The following EPAS1 variants were observed in gnomAD, a reference collection of about 807,000 sequenced individuals.
EPAS1 encodes endothelial PAS domain-containing protein 1.
A neutral mutation model predicts 87.9 loss-of-function variants in EPAS1; 23 were observed. The ratio of observed to expected loss-of-function variants is 0.26; its 90% CI spans 0.19 to 0.37. EPAS1 has a LOEUF of 0.37. Ranked by LOEUF, EPAS1 falls within the 10% of genes least tolerant of loss-of-function variation. The pLI, the probability that EPAS1 is intolerant of heterozygous loss-of-function variation, is 1.00. For synonymous variants in EPAS1, 508 were observed against 444.3 expected, an observed-to-expected ratio of 1.14 and a Z score of -1.80; for missense variants, 1,138 against 1,120.7, an observed-to-expected ratio of 1.02 and a Z score of -0.22.
At chr2:46,314,105 C>T (rs1046439410) in intron 1 of EPAS1, among the ~76,000 whole-genome samples, 5 of 152,178 alleles carry the variant, frequency 3.3e-5, no homozygotes, top group African/African-American at 1.2e-4. Flanking sequence ...GAACAGCTCC[C>T]AGACCCAGAC....
chr2:46,312,680 G>A (rs1169042773), intron 1 of EPAS1, among the ~76,000 whole-genome samples: 3 of 152,084 alleles, frequency 2.0e-5, no homozygotes, highest in Admixed American at 2.0e-4. Context: ...TTTCTTACCT[G>A]GCTGGGATTT....
chr2:46,377,373 C>A (rs11694193), intron 9 of EPAS1, among the ~76,000 whole-genome samples: 1 of 152,076 alleles, frequency 6.6e-6, no homozygotes, highest in Non-Finnish European at 1.5e-5. Flanking sequence ...AGTTCGCAAC[C>A]CGCTGCCACC....
chr2:46,378,508 T>G (rs904451178), intron 10 of EPAS1, 149 bp from the exon 11 acceptor site: 6 of 723,482 alleles, frequency 8.3e-6, no homozygotes, highest in Non-Finnish European at 1.2e-5. Flanking sequence ...TTCATACAGC[T>G]TGTTAATTAG....
At chr2:46,366,360 C>G (rs527701753) in intron 6 of EPAS1, among the ~76,000 whole-genome samples, 12 of 152,316 alleles carry the variant, frequency 7.9e-5, no homozygotes, top group African/African-American at 2.9e-4. Flanking sequence ...GAAGGCACAT[C>G]TCACTCTGAA....
chr2:46,380,722 G>C lies in EPAS1; in HGVS notation c.2045+5G>C. ...TGTCTCCACCTTCAAGACAAGGTAA[G>C]TGGCAGATACTCAGCTGTACCAGCA... On this transcript the variant is annotated splice_donor_5th_base_variant and intron_variant, in intron 12 of 15. Coordinates refer to ENST00000263734, the MANE Select transcript of EPAS1 (RefSeq NM_001430.5). The surrounding 1 kb of genome is among the most constrained non-coding windows in gnomAD (Gnocchi z 4.4). 7.5e-6 allele frequency: 12 copies of C among 1,609,380 alleles called. No homozygotes were observed. Among genetic ancestry groups the C allele is most frequent in the Non-Finnish European group, 1.0e-5 (12 of 1,180,002 alleles).
chr2:46,361,189 C>A, intron 6 of EPAS1, 99 bp downstream of exon 6: 1 of 1,328,168 alleles, frequency 7.5e-7, no homozygotes. Context: ...TGAACATAGA[C>A]GTGGTATTGC....
chr2:46,302,855 C>T (rs1019928389), intron 1 of EPAS1, among the ~76,000 whole-genome samples: 1 of 151,812 alleles, frequency 6.6e-6, no homozygotes, highest in Non-Finnish European at 1.5e-5. Flanking sequence ...AGGCAGATCA[C>T]GAGGTCAGGA....
chr2:46,298,406 A>T (rs181622154), intron 1 of EPAS1, among the ~76,000 whole-genome samples: 183 of 152,286 alleles, frequency 1.2e-3, no homozygotes, highest in Non-Finnish European at 2.2e-3. Context: ...GCCGCGGCCC[A>T]AGTGGGCAAA....
Position 46,384,300 on chromosome 2 carries a change from C to G in EPAS1, c.2462-209C>G, listed in dbSNP as rs147508518. 8.8e-3 allele frequency among the ~76,000 whole-genome samples: 1,339 copies of G among 152,318 alleles called. 9 individuals carry two copies. The highest frequency in any genetic ancestry group is 0.017 in the Middle Eastern group (5 of 294). On this transcript the variant is annotated intron_variant, in intron 15 of 15. Coordinates refer to ENST00000263734, the MANE Select transcript of EPAS1 (RefSeq NM_001430.5). ...TGCAGCCCGCACCTCACGCTTTCCT[C>G]TTTCTTGGGTCTCAGCACCCCACCT...
chr2:46,332,514 G>A (rs772835348), intron 1 of EPAS1, among the ~76,000 whole-genome samples: 13 of 152,172 alleles, frequency 8.5e-5, no homozygotes, highest in Non-Finnish European at 1.8e-4. Flanking sequence ...TCTGATGTGT[G>A]TCTTGCAGGG....
chr2:46,380,257 C>T lies in EPAS1; in HGVS notation c.1585C>T (p.Leu529=), dbSNP rs748409386. 2 of 1,613,426 alleles carry T rather than the reference C, an allele frequency of 1.2e-6. No homozygotes were observed. The highest frequency in any genetic ancestry group is 2.2e-5 in the East Asian group (1 of 44,884). The change falls in exon 12 of 16, where the codon CTG becomes TTG. Residue 529 remains leucine, a synonymous_variant. Coordinates refer to ENST00000263734, the MANE Select transcript of EPAS1 (RefSeq NM_001430.5). This position sits in a 1 kb window ranked among gnomAD's most constrained non-coding sequence, Gnocchi z 4.4. ...TDFNELDLET[L]APYIPMDGED... Reference sequence around the variant, plus strand: ...TTTCAATGAGCTGGACTTGGAGACACTGGCACCCTATATCCCCATGGACGG... The same window carrying T: ...TTTCAATGAGCTGGACTTGGAGACATTGGCACCCTATATCCCCATGGACGG...
intron 6 of EPAS1, among the ~76,000 whole-genome samples, chr2:46,363,429 T>C (rs1203692403): frequency 2.6e-5 from 4 of 152,216 alleles, no homozygotes; most frequent in Non-Finnish European, 5.9e-5. Context: ...GCTTAAGATT[T>C]TGATCCTTGT....
At chr2:46,320,538 A>C (rs1683435917) in intron 1 of EPAS1, among the ~76,000 whole-genome samples, 1 of 152,238 alleles carries the variant, frequency 6.6e-6, no homozygotes, top group South Asian at 2.1e-4. Context: ...GAAAGATCGA[A>C]GCAAACCTTC....
In EPAS1 at chr2:46,378,992, T is replaced by A. The variant is rs1211854816; in HGVS notation, c.1554+225T>A. Among the ~76,000 whole-genome samples the A allele has an allele frequency of 3.3e-5, 5 of 152,362 alleles. No individual in the cohort carries two copies. The East Asian group carries it at 9.6e-4, about 29-fold the overall frequency. ...CTCTTCCAGCATATGTGTCTCCTAC[T>A]TAGATAGCTTTCTTAGCACACATGA... On this transcript the variant is annotated intron_variant, in intron 11 of 15. Coordinates refer to ENST00000263734, the MANE Select transcript of EPAS1 (RefSeq NM_001430.5).
At chr2:46,309,271 C>A (rs1683167588) in intron 1 of EPAS1, among the ~76,000 whole-genome samples, 2 of 152,190 alleles carry the variant, frequency 1.3e-5, no homozygotes, top group South Asian at 4.1e-4. Flanking sequence ...GGTTCCCTCC[C>A]AAATTCAGGT....
rs138157067 is a variant in EPAS1 at position 46,371,574 on chromosome 2, T to G, written c.886+1641T>G. 5.2e-3 allele frequency among the ~76,000 whole-genome samples: 787 copies of G among 152,284 alleles called. 10 individuals are homozygous for G. The highest frequency in any genetic ancestry group is 0.018 in the African/African-American group (746 of 41,554). ...AGGTACTCTTTTATGCCTGTGAATG[T>G]GACCCCACCTTAGCCTGCCCAAGCT... On this transcript the variant is annotated intron_variant, in intron 7 of 15. Coordinates refer to ENST00000263734, the MANE Select transcript of EPAS1 (RefSeq NM_001430.5). This position sits in a 1 kb window ranked among gnomAD's most constrained non-coding sequence, Gnocchi z 4.3.
chr2:46,382,001 A>C lies in EPAS1; in HGVS notation c.2199A>C (p.Ser733=), dbSNP rs1480823742. ...GGGACCCACCTGGTGGCAGCACCTC[A>C]CATTTGATGTGGAAACGGATGAAGA... ...SGGDPPGGST[S]HLMWKRMKNL... is the part of the protein sequence containing the mutation. The change falls in exon 14 of 16, where the codon TCA becomes TCC. Residue 733 remains serine (S), a synonymous_variant. Transcript: ENST00000263734. 4 of 1,608,700 alleles carry C rather than the reference A, an allele frequency of 2.5e-6. No homozygotes were observed. Among genetic ancestry groups the C allele is most frequent in the South Asian group, 2.2e-5 (2 of 90,994 alleles).
At position 46,380,091 on chromosome 2, in the gene EPAS1, G is replaced by C. The variant is rs912299074; in HGVS notation, c.1555-136G>C. On this transcript the variant is annotated intron_variant, in intron 11 of 15. Transcript: ENST00000263734. The surrounding 1 kb of genome is among the most constrained non-coding windows in gnomAD (Gnocchi z 4.4). ...TCTGAGGTTTTCCTGATAGGCCCTCGGGAGCCAGTGGAGGCGTTTGAGCAG... is the reference window on the plus strand; with the variant it reads ...TCTGAGGTTTTCCTGATAGGCCCTCCGGAGCCAGTGGAGGCGTTTGAGCAG... The C allele has an allele frequency of 1.5e-5, 22 of 1,432,808 alleles. No individual in the cohort carries two copies. Among genetic ancestry groups the C allele is most frequent in the Non-Finnish European group, 2.1e-5 (22 of 1,030,538 alleles). 88.8% of individuals were successfully genotyped at this position (1,432,808 alleles called of 1,614,324 possible). A position where few individuals can be genotyped will look rare whatever the true frequency, so the allele number is the denominator to read the frequency against.
chr2:46,381,495 C>A, intron 12 of EPAS1, 101 bp from the exon 13 acceptor site: 2 of 1,585,726 alleles, frequency 1.3e-6, no homozygotes, highest in Admixed American at 1.7e-5. Flanking sequence ...TGAGTCATCA[C>A]AGGCATCAGC....
Sources: gnomAD v4.1 joint callset for allele counts (sites outside exome capture counted in the v4.1 genomes callset) on GRCh38, gnomAD v4.1.1 for gene constraint, Gnocchi (gnomAD v3.1) non-coding constraint, MANE v1.5 for transcripts, NCBI Gene and HGNC (gene_info 2026-07-23, HGNC 2026-07-21) for gene names.